The following RRP1B variants were observed in gnomAD, a reference collection of about 807,000 sequenced individuals.
The protein encoded by RRP1B is ribosomal RNA processing protein 1 homolog B.
RRP1B carries 56 observed loss-of-function variants against 80.2 expected under a neutral mutation model. The ratio of observed to expected loss-of-function variants is 0.70; its 90% CI spans 0.56 to 0.87. The LOEUF is 0.87. Among genes scored for constraint, RRP1B ranks in the 40% least tolerant of loss-of-function variants. The pLI is 0.00. For synonymous variants in RRP1B, 351 were observed against 357.6 expected (o/e 0.98, Z 0.21); for missense variants, 807 against 939.8 (o/e 0.86, Z 1.85).
chr21:43,676,123 GC>G (rs1661765119), intron 6 of RRP1B, 148 bp from the exon 7 acceptor site: 4 of 596,504 alleles, frequency 6.7e-6, no homozygotes, highest in Non-Finnish European at 8.8e-6. Flanking sequence ...GGCTTCTGTG[GC>G]ATTCCACAGG....
intron 1 of RRP1B, among the ~76,000 whole-genome samples, chr21:43,664,687 C>T (rs761438212): frequency 3.3e-5 from 5 of 152,190 alleles, no homozygotes; most frequent in South Asian, 2.1e-4. Context: ...AAAGACACTC[C>T]GGAGACTGGG....
chr21:43,674,074 A>G lies in RRP1B; in HGVS notation c.357+119A>G, dbSNP rs530799732. 2.1e-5 allele frequency: 15 copies of G among 725,946 alleles called. 1 individual carries two copies. The South Asian group carries it at 2.7e-4, about 13-fold the overall frequency. The allele number at this position is 725,946 out of a possible 1,614,324, so 45.0% of individuals were successfully genotyped here. Reference sequence around the variant, plus strand: ...CAAGCCACAGGCTTAGTGTGAAGGAAGAATTTGAATGTGTCCTGGAAAGCT... The same window carrying G: ...CAAGCCACAGGCTTAGTGTGAAGGAGGAATTTGAATGTGTCCTGGAAAGCT... On this transcript the variant is annotated intron_variant, in intron 4 of 15. Coordinates refer to ENST00000340648, the MANE Select transcript of RRP1B (RefSeq NM_015056.3).
chr21:43,690,927 G>T (rs2083083758), intron 14 of RRP1B, among the ~76,000 whole-genome samples: 1 of 152,182 alleles, frequency 6.6e-6, no homozygotes, highest in South Asian at 2.1e-4. Flanking sequence ...CAAAAAGCTG[G>T]AAACTGTGTG....
chr21:43,675,209 G>A, intron 6 of RRP1B, 46 bp downstream of exon 6: 2 of 1,599,542 alleles, frequency 1.3e-6, no homozygotes, highest in Non-Finnish European at 1.7e-6. Flanking sequence ...GGGGCCGCCA[G>A]TGTTCGCAGT....
chr21:43,693,618 A>C lies in RRP1B; in HGVS notation c.*235A>C. The C allele has an allele frequency of 2.2e-6, 1 of 445,992 alleles. No individual in the cohort carries two copies. The highest frequency in any genetic ancestry group is 3.9e-6 in the Non-Finnish European group (1 of 256,232). The allele number at this position is 445,992 out of a possible 1,614,324, so 27.6% of individuals were successfully genotyped here. ...GCGTTTGAGCTCTCCAGGATTTTAC[A>C]TTTTTGGGTAACCTCAGTGATTCCC... is the stretch of plus-strand genomic sequence containing the variant. On this transcript the variant is annotated 3_prime_UTR_variant, in exon 16 of 16. Coordinates refer to ENST00000340648, the MANE Select transcript of RRP1B (RefSeq NM_015056.3). The surrounding 1 kb of genome is among the most constrained non-coding windows in gnomAD (Gnocchi z 4.1).
chr21:43,673,198 A>G (rs1294342415), intron 3 of RRP1B, among the ~76,000 whole-genome samples: 8 of 152,232 alleles, frequency 5.3e-5, no homozygotes, highest in Non-Finnish European at 1.0e-4. Flanking sequence ...CAGTAGGAAG[A>G]GTTACTAGAA....
chr21:43,684,529 T>A (rs371666199), intron 9 of RRP1B, 24 bp from the exon 10 acceptor site: 1 of 1,603,098 alleles, frequency 6.2e-7, no homozygotes, highest in South Asian at 1.1e-5. Flanking sequence ...TGCAGACTTA[T>A]GTTTAGTTTC....
At chr21:43,690,223 T>C (rs2083080936) in intron 13 of RRP1B, 65 bp from the exon 14 acceptor site, 1 of 1,559,880 alleles carries the variant, frequency 6.4e-7, no homozygotes, top group Non-Finnish European at 8.8e-7. Context: ...CTCCTGTGTG[T>C]GTGGGCAGCA....
Position 43,686,837 on chromosome 21 carries a change from A to G in RRP1B, c.1043A>G (p.Asp348Gly). 1 of 1,614,152 alleles carries G rather than the reference A, an allele frequency of 6.2e-7. No individual in the cohort carries two copies. ...SSISQLSFAE[D>G]ISADEDDQIL... ...ATATCTCAACTCAGTTTTGCGGAGG[A>G]CATTTCTGCTGATGAAGATGACCAA... Residue 348 changes from aspartate to glycine, a missense_variant, in exon 12 of 16, where the codon GAC becomes GGC. By Grantham distance (94) the Asp-to-Gly change is moderately conservative. Transcript: ENST00000340648.
intron 1 of RRP1B, among the ~76,000 whole-genome samples, chr21:43,662,490 C>T (rs1019804973): frequency 1.3e-5 from 2 of 152,184 alleles, no homozygotes; most frequent in African/African-American, 4.8e-5. Flanking sequence ...ATTCGACTCC[C>T]GATGACAGGC....
In RRP1B at chr21:43,691,855, C is replaced by T. The variant is rs2147178920; in HGVS notation, c.2083+353C>T. The stretch of plus-strand genomic sequence containing the variant: ...AAAGATGGAGTTTCACCATGTCAGC[C>T]AGGCTGGTCTCAAACTCCTGACCTC... On this transcript the variant is annotated intron_variant, in intron 15 of 15. Coordinates refer to ENST00000340648, the MANE Select transcript of RRP1B (RefSeq NM_015056.3). This position sits in a 1 kb window ranked among gnomAD's most constrained non-coding sequence, Gnocchi z 4.2. Among the ~76,000 whole-genome samples, 1 of 152,204 alleles carries T rather than the reference C, an allele frequency of 6.6e-6. No individual in the cohort carries two copies. Among genetic ancestry groups the T allele is most frequent in the South Asian group, 2.1e-4 (1 of 4,816 alleles).
intron 9 of RRP1B, 118 bp downstream of exon 9, chr21:43,683,491 C>T (rs2083051424): frequency 1.5e-6 from 1 of 668,254 alleles, no homozygotes. Context: ...CCTTTTTAAT[C>T]CCTTCAGTCA....
At chr21:43,674,793 C>A in intron 5 of RRP1B, 96 bp downstream of exon 5, 2 of 1,146,366 alleles carry the variant, frequency 1.7e-6, no homozygotes, top group Non-Finnish European at 2.6e-6. Context: ...CAATGAGAAG[C>A]TCGATACATC....
Position 43,695,604 on chromosome 21 carries a change from T to C in RRP1B, c.*2221T>C, listed in dbSNP as rs893106941. The C allele has an allele frequency of 1.3e-5, 2 of 152,206 alleles. No homozygotes were observed. Among genetic ancestry groups the C allele is most frequent in the African/African-American group, 2.4e-5 (1 of 41,458 alleles). The allele number at this position is 152,206 out of a possible 1,614,324, so 9.4% of individuals were successfully genotyped here. On this transcript the variant is annotated 3_prime_UTR_variant, in exon 16 of 16. Coordinates refer to ENST00000340648, the MANE Select transcript of RRP1B (RefSeq NM_015056.3). ...CAATTTTTTAAAAATTCTCATTACATAGACGCACAAGAATATGTCACATAA... is the reference window on the plus strand; with the variant it reads ...CAATTTTTTAAAAATTCTCATTACACAGACGCACAAGAATATGTCACATAA...
chr21:43,665,079 A>G (rs2082973326), intron 1 of RRP1B, among the ~76,000 whole-genome samples: 1 of 152,196 alleles, frequency 6.6e-6, no homozygotes, highest in African/African-American at 2.4e-5. Flanking sequence ...ACTGTTTTCC[A>G]TTATGAACGC....
chr21:43,673,476 A>C (rs945789118), intron 3 of RRP1B, among the ~76,000 whole-genome samples: 5 of 152,088 alleles, frequency 3.3e-5, no homozygotes, highest in African/African-American at 1.2e-4. Context: ...TTTACTAAAA[A>C]TACAAATATT....
Position 43,674,624 on chromosome 21 carries a change from GC to G in RRP1B, c.358-10del, listed in dbSNP as rs2083014000. 3.5e-6 allele frequency: 2 copies of G among 563,550 alleles called. No homozygotes were observed. Among genetic ancestry groups the G allele is most frequent in the Non-Finnish European group, 4.8e-6 (2 of 420,228 alleles). The allele number at this position is 563,550 out of a possible 1,614,324, so 34.9% of individuals were successfully genotyped here. On this transcript the variant is annotated splice_polypyrimidine_tract_variant and intron_variant, in intron 4 of 15. Transcript: ENST00000340648. ...TTTTTTTTTTTTTTAAACAAAAATT[GC>G]CTTTCTTTAGCTGATTCGTCTGGTC...
In RRP1B at chr21:43,694,651, G is replaced by A. The variant is rs1442225487; in HGVS notation, c.*1268G>A. ...CTCCCAGCCAGCCACGCTCTGCTCA[G>A]GCCTGGAAGTGAAAGCCGCCTCCTT... On this transcript the variant is annotated 3_prime_UTR_variant, in exon 16 of 16. Coordinates refer to ENST00000340648, the MANE Select transcript of RRP1B (RefSeq NM_015056.3). 1 of 152,342 alleles carries A rather than the reference G, an allele frequency of 6.6e-6. No individual in the cohort carries two copies. The highest frequency in any genetic ancestry group is 1.9e-4 in the East Asian group (1 of 5,202). The allele number at this position is 152,342 out of a possible 1,614,324, so 9.4% of individuals were successfully genotyped here.
intron 8 of RRP1B, among the ~76,000 whole-genome samples, chr21:43,682,890 T>G (rs976585613): frequency 6.6e-6 from 1 of 152,246 alleles, no homozygotes; most frequent in Non-Finnish European, 1.5e-5. Context: ...TTTTTCTTTT[T>G]TTGAGACGGA....
Sources: gnomAD v4.1 joint callset for allele counts (sites outside exome capture counted in the v4.1 genomes callset) on GRCh38, gnomAD v4.1.1 for gene constraint, Gnocchi (gnomAD v3.1) non-coding constraint, MANE v1.5 for transcripts, NCBI Gene and HGNC (gene_info 2026-07-23, HGNC 2026-07-21) for gene names.